Variants in CAMTA1 observed in about 807,000 individuals in gnomAD.
The protein encoded by CAMTA1 is calmodulin-binding transcription activator 1.
Under a neutral mutation model 170.9 loss-of-function variants are expected in CAMTA1, and 27 were observed. The ratio of observed to expected loss-of-function variants is 0.16; its 90% CI spans 0.12 to 0.22. The LOEUF is 0.22. Ranked by LOEUF, CAMTA1 falls within the 10% of genes least tolerant of loss-of-function variation. The pLI, the probability that CAMTA1 is intolerant of heterozygous loss-of-function variation, is 1.00. For missense variants in CAMTA1, 1,619 were observed against 2,217.2 expected, an observed-to-expected ratio of 0.73 and a Z score of 5.42; for synonymous variants, 833 against 891.5, an observed-to-expected ratio of 0.93 and a Z score of 1.17.
In CAMTA1 at chr1:6,825,223, C is replaced by CT. The variant is rs778212368; in HGVS notation, c.234+20dup. 4.4e-5 allele frequency: 65 copies of CT among 1,486,776 alleles called. No individual in the cohort carries two copies. The highest frequency in any genetic ancestry group is 1.8e-4 in the Middle Eastern group (1 of 5,682). The allele number at this position is 1,486,776 out of a possible 1,614,324, so 92.1% of individuals were successfully genotyped here. A position where few individuals can be genotyped will look rare whatever the true frequency, so the allele number is the denominator to read the frequency against. ...GAACACTAATGAGGTAGATAAGTTTCTTTTTTTAAGGGTATAATTATTTTA... is the reference window on the plus strand; with the variant it reads ...GAACACTAATGAGGTAGATAAGTTTCTTTTTTTTAAGGGTATAATTATTTTA... On this transcript the variant is annotated intron_variant, in intron 3 of 22. Coordinates refer to ENST00000303635, the MANE Select transcript of CAMTA1 (RefSeq NM_015215.4).
intron 3 of CAMTA1, among the ~76,000 whole-genome samples, chr1:6,862,934 G>A (rs1367234314): frequency 6.6e-6 from 1 of 151,982 alleles, no homozygotes; most frequent in East Asian, 1.9e-4. Flanking sequence ...TATTTTCTTC[G>A]GGAAAAAAGG....
chr1:7,674,039 G>A lies in CAMTA1; in HGVS notation c.2779+3002G>A, dbSNP rs989599950. On this transcript the variant is annotated intron_variant, in intron 10 of 22. Transcript: ENST00000303635. The surrounding 1 kb of genome is among the most constrained non-coding windows in gnomAD (Gnocchi z 4.1). ...GAGGAATCTGAGGCTGAGCTCGAAG[G>A]ATGAACACTTGGAAGTCAGAATCAA... Among the ~76,000 whole-genome samples, 2 of 152,152 alleles carry A rather than the reference G, an allele frequency of 1.3e-5. No individual in the cohort carries two copies. Among genetic ancestry groups the A allele is most frequent in the African/African-American group, 4.8e-5 (2 of 41,430 alleles).
chr1:6,881,362 C>T (rs1671516034), intron 3 of CAMTA1, among the ~76,000 whole-genome samples: 2 of 152,126 alleles, frequency 1.3e-5, no homozygotes, highest in South Asian at 2.1e-4. Context: ...AAGGAAGCAA[C>T]ACTGTGACCA....
intron 5 of CAMTA1, among the ~76,000 whole-genome samples, chr1:7,358,744 T>C (rs567508375): frequency 1.3e-5 from 2 of 152,322 alleles, no homozygotes; most frequent in South Asian, 2.1e-4. Context: ...TGTGACTTGA[T>C]AGGCACATGG....
At chr1:7,128,350 G>A (rs1373707548) in intron 4 of CAMTA1, among the ~76,000 whole-genome samples, 2 of 152,336 alleles carry the variant, frequency 1.3e-5, no homozygotes, top group Non-Finnish European at 1.5e-5. Context: ...TGGTCTTGGG[G>A]TTCCCCAACA....
At chr1:7,631,948 G>C (rs954305168) in intron 6 of CAMTA1, among the ~76,000 whole-genome samples, 1 of 152,204 alleles carries the variant, frequency 6.6e-6, no homozygotes, top group Non-Finnish European at 1.5e-5. Flanking sequence ...CCAGAAGGTG[G>C]GTGAGAGGAT....
At chr1:7,476,079 T>C (rs565303455) in intron 6 of CAMTA1, among the ~76,000 whole-genome samples, 7 of 152,204 alleles carry the variant, frequency 4.6e-5, no homozygotes, top group Non-Finnish European at 1.0e-4. Flanking sequence ...TTGGCGTCCC[T>C]GTGAGGCTGG....
chr1:7,194,992 A>T (rs1168318942), intron 4 of CAMTA1, among the ~76,000 whole-genome samples: 1 of 152,214 alleles, frequency 6.6e-6, no homozygotes, highest in African/African-American at 2.4e-5. Context: ...GGAGCATCTC[A>T]TGGACTAAAA....
chr1:7,053,953 G>C (rs553741323), intron 3 of CAMTA1, among the ~76,000 whole-genome samples: 1 of 152,288 alleles, frequency 6.6e-6, no homozygotes, highest in South Asian at 2.1e-4. Flanking sequence ...ACCCATCCTG[G>C]CCTGCCCTTG....
Position 7,234,298 on chromosome 1 carries a change from C to T in CAMTA1, c.303-15193C>T, listed in dbSNP as rs762369069. Among the ~76,000 whole-genome samples, 7 of 152,214 alleles carry T rather than the reference C, an allele frequency of 4.6e-5. No individual in the cohort carries two copies. The highest frequency in any genetic ancestry group is 1.3e-4 in the Admixed American group (2 of 15,286). The stretch of plus-strand genomic sequence containing the variant: ...CCAGCATTCATGTCCTTGCCTTCGC[C>T]TCCGCTTCCACCCAGATGCTGCGTC... On this transcript the variant is annotated intron_variant, in intron 4 of 22. Coordinates refer to ENST00000303635, the MANE Select transcript of CAMTA1 (RefSeq NM_015215.4). This position sits in a 1 kb window ranked among gnomAD's most constrained non-coding sequence, Gnocchi z 5.0.
At chr1:7,421,782 G>T (rs147266321) in intron 5 of CAMTA1, among the ~76,000 whole-genome samples, 3 of 151,968 alleles carry the variant, frequency 2.0e-5, no homozygotes, top group African/African-American at 7.3e-5. Flanking sequence ...GCAGGAGGCC[G>T]TTCTCCTGGG....
intron 5 of CAMTA1, among the ~76,000 whole-genome samples, chr1:7,416,192 A>AT (rs564107667): frequency 0.011 from 1,727 of 151,780 alleles, 23 homozygotes; most frequent in South Asian, 0.031. Flanking sequence ...TGCCCTTAAT[A>AT]TTTTTTCCTT....
chr1:6,878,728 G>A (rs573575836), intron 3 of CAMTA1, among the ~76,000 whole-genome samples: 1 of 152,352 alleles, frequency 6.6e-6, no homozygotes, highest in East Asian at 1.9e-4. Context: ...AGCTGGATCA[G>A]TAAGGGACGT....
chr1:6,914,811 C>T (rs868561341), intron 3 of CAMTA1, among the ~76,000 whole-genome samples: 10 of 152,310 alleles, frequency 6.6e-5, no homozygotes, highest in Non-Finnish European at 8.8e-5. Context: ...TGTTACTCTG[C>T]GTTTTTTTCT....
chr1:6,829,676 G>A (rs530716060), intron 3 of CAMTA1, among the ~76,000 whole-genome samples: 13 of 152,170 alleles, frequency 8.5e-5, no homozygotes, highest in Non-Finnish European at 1.3e-4. Flanking sequence ...GGAAACTGAA[G>A]CCATGGATAT....
chr1:7,280,754 C>T (rs1671391586), intron 5 of CAMTA1, among the ~76,000 whole-genome samples: 1 of 152,214 alleles, frequency 6.6e-6, no homozygotes, highest in Non-Finnish European at 1.5e-5. Context: ...CATGTAAAGG[C>T]AGTTTCTATG....
chr1:7,371,180 G>A (rs2086435211), intron 5 of CAMTA1, among the ~76,000 whole-genome samples: 1 of 151,894 alleles, frequency 6.6e-6, no homozygotes, highest in Non-Finnish European at 1.5e-5. Context: ...CAAAATGTTG[G>A]GATTACAGGC....
intron 6 of CAMTA1, among the ~76,000 whole-genome samples, chr1:7,528,204 G>T (rs552108391): frequency 2.6e-5 from 4 of 152,100 alleles, no homozygotes; most frequent in Admixed American, 6.5e-5. Context: ...CTTTTTCCTT[G>T]TTGGTAATGA....
rs1045470905 is a variant in CAMTA1 at position 7,063,765 on chromosome 1, G to A, written c.235-27539G>A. Among the ~76,000 whole-genome samples the A allele has an allele frequency of 2.0e-5, 3 of 152,236 alleles. No individual in the cohort carries two copies. Among genetic ancestry groups the A allele is most frequent in the Non-Finnish European group, 2.9e-5 (2 of 68,044 alleles). On this transcript the variant is annotated intron_variant, in intron 3 of 22. Transcript: ENST00000303635. This position sits in a 1 kb window ranked among gnomAD's most constrained non-coding sequence, Gnocchi z 4.3. ...ACACTTTTTCAGGCACTGGTTGTGC[G>A]ATTAGCATCCTGCCAGGGATGCTGG...
Sources: allele counts gnomAD v4.1 joint callset (sites outside exome capture counted in the v4.1 genomes callset), GRCh38; gene constraint gnomAD v4.1.1; non-coding constraint Gnocchi (gnomAD v3.1); transcripts MANE v1.5; gene names NCBI Gene and HGNC (gene_info 2026-07-23, HGNC 2026-07-21).